FREM3: variants seen among roughly 807,000 people sequenced by gnomAD.
FREM3 encodes the protein FRAS1-related extracellular matrix protein 3.
In FREM3, 105 loss-of-function variants were observed where a neutral mutation model predicts 129.1. The observed-to-expected ratio is 0.81, with a 90% CI of 0.69 to 0.96. The LOEUF is 0.96. FREM3 is among the 40% of genes least tolerant of loss of function. The pLI is 0.00. For missense variants in FREM3, 2,593 were observed against 2,666.3 expected (o/e 0.97, Z 0.61); for synonymous variants, 1,014 against 1,044.9 (o/e 0.97, Z 0.57).
At chr4:143,661,223 T>A (rs1046228551) in intron 2 of FREM3, among the ~76,000 whole-genome samples, 6 of 152,206 alleles carry the variant, frequency 3.9e-5, no homozygotes, top group African/African-American at 1.4e-4. Context: ...TGTGGGTTTG[T>A]CATAGATAGC....
chr4:143,623,950 T>A (rs1303783019), intron 4 of FREM3, among the ~76,000 whole-genome samples, 158 bp downstream of exon 4: 3 of 152,176 alleles, frequency 2.0e-5, no homozygotes, highest in African/African-American at 7.2e-5. Flanking sequence ...TGAGAGCAAA[T>A]GAAAAATTAT....
At chr4:143,588,486 A>G (rs2149834177) in intron 6 of FREM3, among the ~76,000 whole-genome samples, 1 of 151,592 alleles carries the variant, frequency 6.6e-6, no homozygotes, top group Middle Eastern at 3.4e-3. Flanking sequence ...GAGTGAGAAC[A>G]TGCAGTGTTT....
At chr4:143,604,791 T>C (rs988214809) in intron 6 of FREM3, among the ~76,000 whole-genome samples, 23 of 152,180 alleles carry the variant, frequency 1.5e-4, no homozygotes, top group Non-Finnish European at 4.4e-5. Flanking sequence ...GCAATGTGCT[T>C]GATCCTCAAT....
chr4:143,603,309 G>T (rs1463146235), intron 6 of FREM3, among the ~76,000 whole-genome samples: 1 of 152,072 alleles, frequency 6.6e-6, no homozygotes, highest in Non-Finnish European at 1.5e-5. Context: ...TGCATCACTT[G>T]GCTTTGTAAA....
Position 143,698,240 on chromosome 4 carries a change from A to T in FREM3, c.2436T>A (p.Asn812Lys). The change falls in exon 1 of 8, where the codon AAT becomes AAA. Residue 812 changes from asparagine to lysine, a missense_variant. By Grantham distance (94) the Asn-to-Lys change is moderately conservative. Around this residue, in one of 2 missense-constraint regions of FREM3, gnomAD observed 2,276 missense variants for 2,267.2 expected, o/e 1.00. Coordinates refer to ENST00000329798, the MANE Select transcript of FREM3 (RefSeq NM_001168235.2). The part of the protein sequence containing the change: ...FTYQVEDAAG[N>K]SVPGTFTLFL... ...ATAATGTGAATGTGCCTGGCACGCT[A>T]TTGCCTGCAGCATCTTCCACCTGGT... is the stretch of plus-strand genomic sequence containing the variant. 6.5e-7 allele frequency: 1 copy of T among 1,537,372 alleles called. No homozygotes were observed. Among genetic ancestry groups the T allele is most frequent in the Non-Finnish European group, 8.7e-7 (1 of 1,146,932 alleles).
chr4:143,604,833 C>A (rs188210390), intron 6 of FREM3, among the ~76,000 whole-genome samples: 4 of 152,304 alleles, frequency 2.6e-5, no homozygotes, highest in Admixed American at 2.0e-4. Flanking sequence ...CAAGTTCCCA[C>A]AATCCAGTAA....
chr4:143,699,210 C>G lies in FREM3; in HGVS notation c.1466G>C (p.Gly489Ala), dbSNP rs1740642645. Residue 489 changes from glycine (G) to alanine (A), a missense_variant, in exon 1 of 8, where the codon GGG becomes GCG. Around this residue, in one of 2 missense-constraint regions of FREM3, gnomAD observed 2,276 missense variants for 2,267.2 expected, o/e 1.00. Transcript: ENST00000329798. This position sits in a 1 kb window ranked among gnomAD's most constrained non-coding sequence, Gnocchi z 4.2. The stretch of plus-strand genomic sequence containing the variant: ...GTCCGCTGGTGTGAAATACTTGCAC[C>G]CAGCAGGTGCCCCAAACACCACCAG... ...GQLVVFGAPA[G>A]CKYFTPADLA... The G allele has an allele frequency of 1.3e-6, 2 of 1,537,256 alleles. No homozygotes were observed. The highest frequency in any genetic ancestry group is 3.9e-5 in the Admixed American group (2 of 50,996).
At chr4:143,594,569 C>G (rs1438098980) in intron 6 of FREM3, among the ~76,000 whole-genome samples, 1 of 152,006 alleles carries the variant, frequency 6.6e-6, no homozygotes, top group East Asian at 1.9e-4. Context: ...AAACTTTGAA[C>G]AAAGTTACCT....
intron 2 of FREM3, among the ~76,000 whole-genome samples, chr4:143,692,912 A>T (rs1466494315): frequency 6.6e-6 from 1 of 152,184 alleles, no homozygotes; most frequent in African/African-American, 2.4e-5. Flanking sequence ...TTCTTCCTAA[A>T]AAGTTATTTA....
intron 2 of FREM3, among the ~76,000 whole-genome samples, chr4:143,659,964 T>A (rs1739676319): frequency 6.6e-6 from 1 of 151,142 alleles, no homozygotes; most frequent in Non-Finnish European, 1.5e-5. Context: ...TTGAGTTCAT[T>A]GTAGATTCTG....
At chr4:143,578,366 C>T (rs1053728880) in intron 7 of FREM3, among the ~76,000 whole-genome samples, 8 of 151,962 alleles carry the variant, frequency 5.3e-5, no homozygotes, top group African/African-American at 1.2e-4. Context: ...TCCACCTCAC[C>T]GTACAGCTTC....
At position 143,583,653 on chromosome 4, in the gene FREM3, A is replaced by C. The variant is rs537735634; in HGVS notation, c.6178+2191T>G. Among the ~76,000 whole-genome samples the C allele has an allele frequency of 1.2e-4, 18 of 152,144 alleles. No individual in the cohort carries two copies. In the East Asian group the frequency reaches 3.3e-3, roughly 28 times the overall value. ...CAGAAGAGATTAGGGGCCTTTATTA[A>C]GCATTATTAAAAAAAAAAAAGAATC... is the stretch of plus-strand genomic sequence containing the variant. On this transcript the variant is annotated intron_variant, in intron 7 of 7. Coordinates refer to ENST00000329798, the MANE Select transcript of FREM3 (RefSeq NM_001168235.2).
chr4:143,629,937 A>G (rs1028251148), intron 2 of FREM3, among the ~76,000 whole-genome samples: 3 of 152,146 alleles, frequency 2.0e-5, no homozygotes, highest in African/African-American at 7.2e-5. Context: ...GGAAAAATCT[A>G]TTGCAGATCA....
chr4:143,696,789 G>T lies in FREM3; in HGVS notation c.3887C>A (p.Pro1296His). 6.5e-7 allele frequency: 1 copy of T among 1,537,738 alleles called. No homozygotes were observed. Among genetic ancestry groups the T allele is most frequent in the Non-Finnish European group, 8.7e-7 (1 of 1,147,042 alleles). The change falls in exon 1 of 8, where the codon CCC becomes CAC. Residue 1296 changes from proline to histidine, a missense_variant. Physicochemically the swap from Pro to His is moderately conservative, Grantham distance 77. Transcript: ENST00000329798. ...DGKHTTHRKV[P>H]IVVTLVDDET... is the part of the protein sequence containing the mutation. ...ATCATCCACTAGGGTCACTACAATG[G>T]GTACCTTCCTGTGGGTTGTGTGCTT...
chr4:143,603,227 G>T (rs1738604122), intron 6 of FREM3, among the ~76,000 whole-genome samples: 1 of 152,200 alleles, frequency 6.6e-6, no homozygotes, highest in Admixed American at 6.5e-5. Context: ...ATGGACTGCA[G>T]TGATGAGCCA....
At chr4:143,644,783 A>G (rs181316744) in intron 2 of FREM3, among the ~76,000 whole-genome samples, 102 of 152,342 alleles carry the variant, frequency 6.7e-4, no homozygotes, top group Admixed American at 1.0e-3. Context: ...TACAACAAAA[A>G]TATGACTGCT....
chr4:143,674,009 G>GAA (rs1740056419), intron 2 of FREM3, among the ~76,000 whole-genome samples: 1 of 152,220 alleles, frequency 6.6e-6, no homozygotes, highest in Non-Finnish European at 1.5e-5. Context: ...GCTTGGCTAG[G>GAA]AAAAGGAATT....
chr4:143,698,406 A>T lies in FREM3; in HGVS notation c.2270T>A (p.Val757Asp). The stretch of plus-strand genomic sequence containing the variant: ...AGTGAGCACAATTTCTCCAGCCCGG[A>T]CTTGGTGGTTGCCATCTGTGTCAGT... ...LPTDTDGNHQ[V>D]RAGEIVLTDS... is the part of the protein sequence containing the mutation. The change falls in exon 1 of 8, where the codon GTC becomes GAC. Residue 757 changes from valine (V) to aspartate (D), a missense_variant. Val to Asp is a radical substitution (Grantham distance 152, BLOSUM62 -3). Coordinates refer to ENST00000329798, the MANE Select transcript of FREM3 (RefSeq NM_001168235.2). The T allele has an allele frequency of 6.5e-7, 1 of 1,537,854 alleles. No homozygotes were observed. Among genetic ancestry groups the T allele is most frequent in the East Asian group, 2.4e-5 (1 of 40,916 alleles).
intron 2 of FREM3, among the ~76,000 whole-genome samples, chr4:143,634,796 G>T (rs937657079): frequency 2.0e-5 from 3 of 152,090 alleles, no homozygotes; most frequent in African/African-American, 7.2e-5. Flanking sequence ...TGAAGTCAGG[G>T]AATTGTGAGG....
Sources: allele counts gnomAD v4.1 joint callset (sites outside exome capture counted in the v4.1 genomes callset), GRCh38; gene constraint gnomAD v4.1.1; regional missense constraint gnomAD v4.1.1; non-coding constraint Gnocchi (gnomAD v3.1); transcripts MANE v1.5; gene names NCBI Gene and HGNC (gene_info 2026-07-23, HGNC 2026-07-21).